Variants in SEC24B observed in about 807,000 individuals in gnomAD.
SEC24B encodes protein transport protein Sec24B.
In SEC24B, 45 loss-of-function variants were observed where a neutral mutation model predicts 142.8. The ratio of observed to expected loss-of-function variants is 0.32; its 90% CI spans 0.25 to 0.40. SEC24B has a LOEUF of 0.40. Ranked by LOEUF, SEC24B falls within the 10% of genes least tolerant of loss-of-function variation. The pLI is 1.00. For missense variants in SEC24B, 1,409 were observed against 1,526.8 expected, an observed-to-expected ratio of 0.92 and a Z score of 1.29; for synonymous variants, 574 against 568.2, an observed-to-expected ratio of 1.01 and a Z score of -0.15.
chr4:109,433,908 C>A lies in SEC24B; in HGVS notation c.39C>A (p.Ser13Arg), dbSNP rs1728104809. ...APAGSSHPAASARIPPKFGGA... is the reference protein window; with the variant it reads ...APAGSSHPAARARIPPKFGGA... Reference sequence around the variant, plus strand: ...CCGGGTCCTCTCACCCGGCCGCCAGCGCCCGGATCCCGCCCAAGTTCGGCG... The same window carrying A: ...CCGGGTCCTCTCACCCGGCCGCCAGAGCCCGGATCCCGCCCAAGTTCGGCG... The change falls in exon 1 of 24, where the codon AGC (serine) becomes AGA (arginine). Residue 13 changes from serine (S) to arginine (R), a missense_variant. Coordinates refer to ENST00000265175, the MANE Select transcript of SEC24B (RefSeq NM_006323.5). 7.5e-7 allele frequency: 1 copy of A among 1,335,294 alleles called. No homozygotes were observed. Among genetic ancestry groups the A allele is most frequent in the East Asian group, 3.2e-5 (1 of 31,240 alleles). The allele number at this position is 1,335,294 out of a possible 1,614,324, so 82.7% of individuals were successfully genotyped here. A position where few individuals can be genotyped will look rare whatever the true frequency, so the allele number is the denominator to read the frequency against.
chr4:109,515,385 G>C (rs1737823164), intron 10 of SEC24B, among the ~76,000 whole-genome samples: 1 of 152,168 alleles, frequency 6.6e-6, no homozygotes, highest in South Asian at 2.1e-4. Flanking sequence ...ACAGGCGTGA[G>C]CTACTGCTCC....
chr4:109,445,797 C>T (rs1044375595), intron 1 of SEC24B, among the ~76,000 whole-genome samples: 1 of 149,752 alleles, frequency 6.7e-6, no homozygotes, highest in Non-Finnish European at 1.5e-5. Flanking sequence ...GTCTCAAACT[C>T]CTGGACTCAA....
At chr4:109,460,526 A>G (rs543213017) in intron 1 of SEC24B, among the ~76,000 whole-genome samples, 4 of 152,236 alleles carry the variant, frequency 2.6e-5, no homozygotes, top group African/African-American at 7.2e-5. Context: ...TTTTGGGACA[A>G]TTGGCCATTT....
At chr4:109,444,775 A>C (rs1468231386) in intron 1 of SEC24B, among the ~76,000 whole-genome samples, 1 of 152,080 alleles carries the variant, frequency 6.6e-6, no homozygotes, top group Non-Finnish European at 1.5e-5. Flanking sequence ...AATATTATAG[A>C]CCATTTGTTA....
intron 1 of SEC24B, among the ~76,000 whole-genome samples, chr4:109,454,472 A>C (rs897903080): frequency 2.0e-5 from 3 of 151,318 alleles, no homozygotes; most frequent in African/African-American, 7.3e-5. Context: ...CCTCAGGTGG[A>C]GATTGGGGTG....
At chr4:109,461,613 CAAGT>C (rs1304621524) in intron 1 of SEC24B, among the ~76,000 whole-genome samples, 1 of 152,070 alleles carries the variant, frequency 6.6e-6, no homozygotes, top group African/African-American at 2.4e-5. Context: ...TTTAAAAAAT[CAAGT>C]AAATTATATA....
intron 5 of SEC24B, among the ~76,000 whole-genome samples, chr4:109,493,927 T>G (rs1244357671): frequency 6.6e-6 from 1 of 152,208 alleles, no homozygotes; most frequent in Non-Finnish European, 1.5e-5. Context: ...TGACTAACAG[T>G]TTTGCTACTG....
intron 6 of SEC24B, among the ~76,000 whole-genome samples, chr4:109,506,060 C>G (rs1443144587): frequency 6.6e-6 from 1 of 152,146 alleles, no homozygotes; most frequent in African/African-American, 2.4e-5. Flanking sequence ...CAAGTATAAA[C>G]TGTATTCAGG....
chr4:109,467,385 G>A (rs1229115776), intron 2 of SEC24B, among the ~76,000 whole-genome samples: 1 of 150,778 alleles, frequency 6.6e-6, no homozygotes, highest in Non-Finnish European at 1.5e-5. Context: ...TGTTACATTA[G>A]TTGTTAAAGT....
chr4:109,468,063 A>G (rs1175343802), intron 2 of SEC24B, among the ~76,000 whole-genome samples: 4 of 152,254 alleles, frequency 2.6e-5, no homozygotes, highest in Non-Finnish European at 5.9e-5. Context: ...GAGGAAAAGC[A>G]AAAGCAAATA....
rs1285498820 is a variant in SEC24B at position 109,538,608 on chromosome 4, T to C, written c.3692+12T>C. ...CTTCACATAGTAAAGTAAGTACTTTTGTAACTTAATTATGAAGTTGTCTTT... is the reference window on the plus strand; with the variant it reads ...CTTCACATAGTAAAGTAAGTACTTTCGTAACTTAATTATGAAGTTGTCTTT... On this transcript the variant is annotated intron_variant, in intron 23 of 23. Coordinates refer to ENST00000265175, the MANE Select transcript of SEC24B (RefSeq NM_006323.5). 2 of 1,504,946 alleles carry C rather than the reference T, an allele frequency of 1.3e-6. No individual in the cohort carries two copies. Among genetic ancestry groups the C allele is most frequent in the African/African-American group, 2.8e-5 (2 of 72,724 alleles). The allele number at this position is 1,504,946 out of a possible 1,614,324, so 93.2% of individuals were successfully genotyped here.
intron 1 of SEC24B, among the ~76,000 whole-genome samples, chr4:109,444,851 T>G (rs1729289650): frequency 6.6e-6 from 1 of 152,196 alleles, no homozygotes; most frequent in Non-Finnish European, 1.5e-5. Flanking sequence ...ATCATCTGTT[T>G]CCCTCTTTTA....
intron 5 of SEC24B, 55 bp from the exon 6 acceptor site, chr4:109,494,560 G>C (rs908801599): frequency 1.9e-5 from 30 of 1,606,180 alleles, no homozygotes; most frequent in African/African-American, 2.7e-5. Context: ...CAGGAGTCCA[G>C]TCTTTGTGGA....
chr4:109,489,966 TG>T lies in SEC24B; in HGVS notation c.1166-1360del, dbSNP rs138670996. Among the ~76,000 whole-genome samples, 965 of 152,108 alleles carry T rather than the reference TG, an allele frequency of 6.3e-3. 20 individuals carry two copies. In the East Asian group the frequency reaches 0.082, roughly 13 times the overall value. The stretch of plus-strand genomic sequence containing the variant: ...ATTCTTTATTAAGAGGAAAAATATA[TG>T]TGCAAAATTGTTCTACTTATCACGA... On this transcript the variant is annotated intron_variant, in intron 4 of 23. Coordinates refer to ENST00000265175, the MANE Select transcript of SEC24B (RefSeq NM_006323.5).
Position 109,539,786 on chromosome 4 carries a change from C to A in SEC24B, c.*111C>A. On this transcript the variant is annotated 3_prime_UTR_variant, in exon 24 of 24. Transcript: ENST00000265175. Reference sequence around the variant, plus strand: ...AGGCATTTGTTAATACAAGATGCAACGCACAGCACTCTGTCTGAGGCTTTG... The same window carrying A: ...AGGCATTTGTTAATACAAGATGCAAAGCACAGCACTCTGTCTGAGGCTTTG... The A allele has an allele frequency of 1.5e-6, 1 of 674,610 alleles. No homozygotes were observed. Among genetic ancestry groups the A allele is most frequent in the Non-Finnish European group, 2.6e-6 (1 of 389,760 alleles). 41.8% of individuals were successfully genotyped at this position (674,610 alleles called of 1,614,324 possible).
intron 2 of SEC24B, among the ~76,000 whole-genome samples, chr4:109,466,930 C>T (rs1561093615): frequency 6.6e-6 from 1 of 152,144 alleles, no homozygotes; most frequent in Non-Finnish European, 1.5e-5. Context: ...ATATTCAAAA[C>T]ATAGACTAAA....
intron 4 of SEC24B, among the ~76,000 whole-genome samples, chr4:109,482,448 T>G (rs898292090): frequency 2.0e-5 from 3 of 152,206 alleles, no homozygotes; most frequent in African/African-American, 7.2e-5. Flanking sequence ...GAATATCCCT[T>G]ATCTGAAATG....
intron 2 of SEC24B, among the ~76,000 whole-genome samples, chr4:109,470,651 G>A (rs1445832168): frequency 6.6e-6 from 1 of 152,198 alleles, no homozygotes; most frequent in Non-Finnish European, 1.5e-5. Context: ...ACAAGTGCAT[G>A]AGTATTCATA....
intron 16 of SEC24B, 100 bp from the exon 17 acceptor site, chr4:109,526,126 T>G: frequency 8.6e-7 from 1 of 1,165,952 alleles, no homozygotes; most frequent in Non-Finnish European, 1.2e-6. Context: ...GTTATCCTTT[T>G]GATTCAAAAT....
Sources: gnomAD v4.1 joint callset for allele counts (sites outside exome capture counted in the v4.1 genomes callset) on GRCh38, gnomAD v4.1.1 for gene constraint, MANE v1.5 for transcripts, NCBI Gene and HGNC (gene_info 2026-07-23, HGNC 2026-07-21) for gene names.